Variants in ZNF277 observed in about 807,000 individuals in gnomAD.
ZNF277 encodes the protein zinc finger protein 277, also known as nuclear receptor-interacting factor 4.
ZNF277 carries 55 observed loss-of-function variants against 60.7 expected under a neutral mutation model. That is an observed-to-expected ratio of 0.91 (90% CI 0.73 to 1.13). ZNF277 has a LOEUF of 1.13. Ranked by LOEUF, ZNF277 falls within the 50% of genes most tolerant of loss-of-function variation. The pLI, the probability that ZNF277 is intolerant of heterozygous loss-of-function variation, is 0.00. For synonymous variants in ZNF277, 178 were observed against 179.3 expected (o/e 0.99, Z 0.06); for missense variants, 510 against 523.0 (o/e 0.98, Z 0.24).
chr7:112,279,167 A>T (rs1056344355), intron 1 of ZNF277, among the ~76,000 whole-genome samples: 1 of 152,232 alleles, frequency 6.6e-6, no homozygotes, highest in Non-Finnish European at 1.5e-5. Flanking sequence ...TAAAAGTACA[A>T]ATATTTCTTT....
intron 1 of ZNF277, among the ~76,000 whole-genome samples, chr7:112,243,803 A>T (rs1010141310): frequency 7.9e-5 from 12 of 152,228 alleles, no homozygotes; most frequent in African/African-American, 2.9e-4. Context: ...CCACTACTGG[A>T]TATTTACCCA....
At chr7:112,288,777 A>G (rs748317378) in intron 2 of ZNF277, 1 of 153,120 alleles carries the variant, frequency 6.5e-6, no homozygotes, top group African/African-American at 2.4e-5. Flanking sequence ...GAGGACAACC[A>G]TCTCCACTAG....
At chr7:112,262,647 G>A (rs1045721862) in intron 1 of ZNF277, among the ~76,000 whole-genome samples, 2 of 151,992 alleles carry the variant, frequency 1.3e-5, no homozygotes, top group Admixed American at 1.3e-4. Flanking sequence ...AATATAGAGG[G>A]CTACATATTT....
chr7:112,269,633 G>A (rs1243071854), intron 1 of ZNF277, among the ~76,000 whole-genome samples: 1 of 151,920 alleles, frequency 6.6e-6, no homozygotes, highest in Non-Finnish European at 1.5e-5. Context: ...AGGATGCCTT[G>A]GTAGAAAAAA....
chr7:112,258,913 A>T (rs1402841218), intron 1 of ZNF277, among the ~76,000 whole-genome samples: 1 of 152,132 alleles, frequency 6.6e-6, no homozygotes, highest in Non-Finnish European at 1.5e-5. Context: ...ATATCTTCAT[A>T]AATGTCCCCC....
intron 1 of ZNF277, among the ~76,000 whole-genome samples, chr7:112,279,813 A>G (rs1411226422): frequency 6.6e-6 from 1 of 152,200 alleles, no homozygotes; most frequent in Admixed American, 6.5e-5. Context: ...TATATTTACT[A>G]CTCAAGAAGT....
intron 1 of ZNF277, among the ~76,000 whole-genome samples, chr7:112,272,962 C>T (rs902206876): frequency 6.6e-6 from 1 of 152,066 alleles, no homozygotes; most frequent in African/African-American, 2.4e-5. Context: ...AGATGATATT[C>T]ATTGTAGTTT....
chr7:112,275,473 A>C (rs1791770505), intron 1 of ZNF277, among the ~76,000 whole-genome samples: 1 of 152,176 alleles, frequency 6.6e-6, no homozygotes, highest in South Asian at 2.1e-4. Context: ...TTAGATTCTA[A>C]ATCTCACTGG....
At chr7:112,286,423 A>T (rs1792064432) in intron 1 of ZNF277, among the ~76,000 whole-genome samples, 1 of 152,238 alleles carries the variant, frequency 6.6e-6, no homozygotes, top group Admixed American at 6.5e-5. Context: ...AAGCAACTTA[A>T]CAGACAGGCC....
intron 1 of ZNF277, among the ~76,000 whole-genome samples, chr7:112,235,954 G>C (rs1790772247): frequency 6.6e-6 from 1 of 151,822 alleles, no homozygotes; most frequent in African/African-American, 2.4e-5. Flanking sequence ...TTTTGTGTAG[G>C]GTTTAAGAAA....
intron 1 of ZNF277, among the ~76,000 whole-genome samples, chr7:112,281,247 C>A (rs977040321): frequency 6.6e-5 from 10 of 152,158 alleles, no homozygotes; most frequent in Non-Finnish European, 1.5e-5. Flanking sequence ...ATTACATTTT[C>A]TAAGTCTACA....
Position 112,294,685 on chromosome 7 carries a change from C to T in ZNF277, c.294-1184C>T, listed in dbSNP as rs552999355. On this transcript the variant is annotated intron_variant, in intron 2 of 11. Coordinates refer to ENST00000361822, the MANE Select transcript of ZNF277 (RefSeq NM_021994.3). ...AGTGTATTTTTATTTGATGTCAGCT[C>T]GTGTCATGTTTATCTCTTTCTCCCA... Among the ~76,000 whole-genome samples the T allele has an allele frequency of 3.3e-5, 5 of 152,160 alleles. No individual in the cohort carries two copies. The South Asian group carries it at 6.2e-4, about 19-fold the overall frequency.
At chr7:112,236,045 T>C (rs1166392201) in intron 1 of ZNF277, among the ~76,000 whole-genome samples, 1 of 152,088 alleles carries the variant, frequency 6.6e-6, no homozygotes, top group Non-Finnish European at 1.5e-5. Context: ...CAATAGACCA[T>C]ATATGTGGGG....
intron 2 of ZNF277, chr7:112,288,910 C>G (rs557024594): frequency 8.2e-6 from 1 of 121,592 alleles, no homozygotes; most frequent in African/African-American, 3.2e-5. Flanking sequence ...AGATTCCAGA[C>G]ACATCCAAAT....
intron 1 of ZNF277, among the ~76,000 whole-genome samples, chr7:112,227,229 T>G (rs1402751683): frequency 2.6e-5 from 4 of 152,204 alleles, no homozygotes; most frequent in African/African-American, 7.2e-5. Flanking sequence ...TCACTCATAC[T>G]TCAGAAATTC....
intron 1 of ZNF277, among the ~76,000 whole-genome samples, chr7:112,216,225 A>G (rs1821876414): frequency 6.6e-6 from 1 of 152,246 alleles, no homozygotes; most frequent in Non-Finnish European, 1.5e-5. Flanking sequence ...TTCCAGCAGC[A>G]GTGATCATAG....
At chr7:112,341,267 T>C (rs1793439416) in intron 11 of ZNF277, 2 of 378,488 alleles carry the variant, frequency 5.3e-6, no homozygotes, top group South Asian at 1.6e-4. Context: ...GTATTTGTGA[T>C]ATGGAGATAG....
At position 112,330,145 on chromosome 7, in the gene ZNF277, A is replaced by G; in HGVS notation, c.730A>G (p.Arg244Gly). ...CAAAAATACACTTAAAGATCACATG[A>G]GGAAAAAACAGCATCGTAAGATTAA... ...RDKNTLKDHM[R>G]KKQHRKINPK... The change falls in exon 7 of 12, where the codon AGG becomes GGG. Residue 244 changes from arginine (R) to glycine (G), a missense_variant. Coordinates refer to ENST00000361822, the MANE Select transcript of ZNF277 (RefSeq NM_021994.3). 1 of 1,613,426 alleles carries G rather than the reference A, an allele frequency of 6.2e-7. No individual in the cohort carries two copies. The highest frequency in any genetic ancestry group is 8.5e-7 in the Non-Finnish European group (1 of 1,179,740).
chr7:112,231,486 A>G (rs1321191280), intron 1 of ZNF277, among the ~76,000 whole-genome samples: 2 of 152,134 alleles, frequency 1.3e-5, no homozygotes, highest in Non-Finnish European at 2.9e-5. Context: ...GTGCTTTTTC[A>G]TGATAAACTG....
Sources: allele counts gnomAD v4.1 joint callset (sites outside exome capture counted in the v4.1 genomes callset), GRCh38; gene constraint gnomAD v4.1.1; transcripts MANE v1.5; gene names NCBI Gene and HGNC (gene_info 2026-07-23, HGNC 2026-07-21).